Variants in AGAP1 observed in about 807,000 individuals in gnomAD.
The protein encoded by AGAP1 is arf-GAP with GTPase, ANK repeat and PH domain-containing protein 1.
Under a neutral mutation model 105.3 loss-of-function variants are expected in AGAP1, and 29 were observed. The observed-to-expected ratio is 0.28, with a 90% CI of 0.21 to 0.38. The LOEUF is 0.38. Ranked by LOEUF, AGAP1 falls within the 10% of genes least tolerant of loss-of-function variation. The pLI is 1.00. For missense variants in AGAP1, 998 were observed against 1,165.1 expected, an observed-to-expected ratio of 0.86 and a Z score of 2.09; for synonymous variants, 509 against 485.9, an observed-to-expected ratio of 1.05 and a Z score of -0.63.
At chr2:235,800,162 A>G (rs960856184) in intron 8 of AGAP1, among the ~76,000 whole-genome samples, 2 of 148,208 alleles carry the variant, frequency 1.3e-5, no homozygotes, top group African/African-American at 5.0e-5. Flanking sequence ...GCTGGAGTGC[A>G]GTGGCTCAGT....
At chr2:235,859,472 G>T (rs1214333681) in intron 9 of AGAP1, among the ~76,000 whole-genome samples, 1 of 138,116 alleles carries the variant, frequency 7.2e-6, no homozygotes, top group Non-Finnish European at 1.5e-5. Context: ...CACTATTTTG[G>T]ATCTGCAGCT....
rs1036242549 is a variant in AGAP1, at chr2:236,092,363, A to G, written c.2115-27829A>G. Reference sequence around the variant, plus strand: ...GGAAACCAGGTAAGGGGTACATGAGATCTCTCTGTATTATTTCTTTTTCTT... The same window carrying G: ...GGAAACCAGGTAAGGGGTACATGAGGTCTCTCTGTATTATTTCTTTTTCTT... On this transcript the variant is annotated intron_variant, in intron 16 of 17. Coordinates refer to ENST00000304032, the MANE Select transcript of AGAP1 (RefSeq NM_001037131.3). This position sits in a 1 kb window ranked among gnomAD's most constrained non-coding sequence, Gnocchi z 4.7. 6.6e-6 allele frequency among the ~76,000 whole-genome samples: 1 copy of G among 151,932 alleles called. No individual in the cohort carries two copies.
Position 235,519,363 on chromosome 2 carries a change from G to A in AGAP1, c.163+24514G>A, listed in dbSNP as rs146950271. ...GCTGGGGTTACAGTCATGAGCCACC[G>A]CACATGGCCCTAGTTTATATTTATT... On this transcript the variant is annotated intron_variant, in intron 1 of 17. Transcript: ENST00000304032. Among the ~76,000 whole-genome samples, 662 of 152,076 alleles carry A rather than the reference G, an allele frequency of 4.4e-3. 5 individuals are homozygous for A. Among genetic ancestry groups the A allele is most frequent in the South Asian group, 0.014 (67 of 4,792 alleles).
intron 12 of AGAP1, among the ~76,000 whole-genome samples, chr2:235,945,995 C>T (rs1344572316): frequency 6.6e-6 from 1 of 151,972 alleles, no homozygotes; most frequent in Admixed American, 6.6e-5. Flanking sequence ...GATCCAGTCA[C>T]CTCCCACCAA....
At chr2:235,593,659 G>A (rs1049105949) in intron 1 of AGAP1, among the ~76,000 whole-genome samples, 8 of 152,010 alleles carry the variant, frequency 5.3e-5, no homozygotes, top group Admixed American at 3.3e-4. Context: ...ATCGTGTAGC[G>A]CTACAGCTAA....
Position 235,936,243 on chromosome 2 carries a change from G to A in AGAP1, c.1483+5320G>A, listed in dbSNP as rs2052982661. Among the ~76,000 whole-genome samples the A allele has an allele frequency of 2.6e-5, 4 of 152,092 alleles. No homozygotes were observed. Among genetic ancestry groups the A allele is most frequent in the Non-Finnish European group, 2.9e-5 (2 of 68,030 alleles). Reference sequence around the variant, plus strand: ...CTCCCCCAGGCCACCACGCAGCCTCGTCACCATCGAGCACAAACACCATGT... The same window carrying A: ...CTCCCCCAGGCCACCACGCAGCCTCATCACCATCGAGCACAAACACCATGT... On this transcript the variant is annotated intron_variant, in intron 12 of 17. Transcript: ENST00000304032. The surrounding 1 kb of genome is among the most constrained non-coding windows in gnomAD (Gnocchi z 4.7).
chr2:236,112,717 C>T (rs1016026159), intron 16 of AGAP1, among the ~76,000 whole-genome samples: 7 of 152,244 alleles, frequency 4.6e-5, no homozygotes, highest in Admixed American at 1.3e-4. Flanking sequence ...CACACGCACA[C>T]GCACAGAACG....
At chr2:235,796,076 T>TA (rs943526169) in intron 6 of AGAP1, among the ~76,000 whole-genome samples, 2 of 152,236 alleles carry the variant, frequency 1.3e-5, no homozygotes, top group African/African-American at 2.4e-5. Context: ...CTTACGAATG[T>TA]AAAGTCAGTG....
At chr2:235,886,571 G>A (rs1053333712) in intron 10 of AGAP1, among the ~76,000 whole-genome samples, 2 of 152,140 alleles carry the variant, frequency 1.3e-5, no homozygotes, top group Non-Finnish European at 2.9e-5. Context: ...TCATTCATAA[G>A]TATGCATGAA....
chr2:235,648,413 C>G (rs6431396), intron 1 of AGAP1, among the ~76,000 whole-genome samples: 108,636 of 152,084 alleles, frequency 0.71, 38,883 homozygotes, highest in East Asian at 0.81. Context: ...AGAGTCTGCA[C>G]ATGACAGCTC....
intron 9 of AGAP1, among the ~76,000 whole-genome samples, chr2:235,808,857 A>G (rs1957980123): frequency 6.6e-6 from 1 of 152,164 alleles, no homozygotes; most frequent in Non-Finnish European, 1.5e-5. Flanking sequence ...TTTTCACTAT[A>G]AAACACTTCA....
intron 9 of AGAP1, among the ~76,000 whole-genome samples, chr2:235,820,630 A>G (rs1958737818): frequency 1.3e-5 from 2 of 152,224 alleles, no homozygotes; most frequent in Non-Finnish European, 1.5e-5. Context: ...CTGTGATTTC[A>G]TTCATGCTAA....
chr2:235,675,283 G>A (rs545724526), intron 1 of AGAP1, among the ~76,000 whole-genome samples: 11 of 150,684 alleles, frequency 7.3e-5, no homozygotes, highest in Admixed American at 5.3e-4. Context: ...TCTGCCTCCC[G>A]GGTTCATGCC....
chr2:235,696,607 G>A (rs1383161478), intron 1 of AGAP1, among the ~76,000 whole-genome samples: 2 of 152,192 alleles, frequency 1.3e-5, no homozygotes, highest in African/African-American at 4.8e-5. Flanking sequence ...GATTAGATTT[G>A]CTGAGCATTA....
intron 1 of AGAP1, among the ~76,000 whole-genome samples, chr2:235,618,219 C>T (rs1946368922): frequency 1.3e-5 from 2 of 152,118 alleles, no homozygotes; most frequent in Non-Finnish European, 2.9e-5. Context: ...TATTTTGACT[C>T]AGAGCTCCAA....
chr2:235,909,042 C>G, intron 11 of AGAP1, 136 bp downstream of exon 11: 1 of 864,292 alleles, frequency 1.2e-6, no homozygotes, highest in Non-Finnish European at 1.7e-6. Context: ...GAAACCTGAT[C>G]ACTTCTGTGG....
chr2:235,720,157 GTTTC>G lies in AGAP1; in HGVS notation c.310+2518_310+2521del, dbSNP rs1449153773. Among the ~76,000 whole-genome samples, 1 of 152,148 alleles carries G rather than the reference GTTTC, an allele frequency of 6.6e-6. No individual in the cohort carries two copies. Among genetic ancestry groups the G allele is most frequent in the Non-Finnish European group, 1.5e-5 (1 of 68,022 alleles). ...GGAAAGAAAACAAATGAGAAGCCGT[GTTTC>G]TTTCATACCACGGTCTTGCCATCCT... On this transcript the variant is annotated intron_variant, in intron 3 of 17. Coordinates refer to ENST00000304032, the MANE Select transcript of AGAP1 (RefSeq NM_001037131.3). This position sits in a 1 kb window ranked among gnomAD's most constrained non-coding sequence, Gnocchi z 5.0.
chr2:235,788,540 G>A lies in AGAP1; in HGVS notation c.674-9219G>A, dbSNP rs1450991374. ...TGAGGAGAGGATTGGGAGGCAAGGT[G>A]GGGCGAGGAGAAGAGCGGGAGGGTA... On this transcript the variant is annotated intron_variant, in intron 6 of 17. Transcript: ENST00000304032. This position sits in a 1 kb window ranked among gnomAD's most constrained non-coding sequence, Gnocchi z 6.0. 4.0e-5 allele frequency among the ~76,000 whole-genome samples: 6 copies of A among 151,330 alleles called. No homozygotes were observed. Among genetic ancestry groups the A allele is most frequent in the Admixed American group, 4.0e-4 (6 of 15,176 alleles).
Position 235,953,786 on chromosome 2 carries a change from G to A in AGAP1, c.1484-14676G>A, listed in dbSNP as rs1209932671. ...CTCTACAAAGAAATTATCAGGGCAT[G>A]GTGGGTCATACCTGTGGTCCACGCT... On this transcript the variant is annotated intron_variant, in intron 12 of 17. Transcript: ENST00000304032. The surrounding 1 kb of genome is among the most constrained non-coding windows in gnomAD (Gnocchi z 5.2). Among the ~76,000 whole-genome samples, 2 of 152,068 alleles carry A rather than the reference G, an allele frequency of 1.3e-5. No individual in the cohort carries two copies. The highest frequency in any genetic ancestry group is 4.8e-5 in the African/African-American group (2 of 41,408).
Sources: allele counts gnomAD v4.1 joint callset (sites outside exome capture counted in the v4.1 genomes callset), GRCh38; gene constraint gnomAD v4.1.1; non-coding constraint Gnocchi (gnomAD v3.1); transcripts MANE v1.5; gene names NCBI Gene and HGNC (gene_info 2026-07-23, HGNC 2026-07-21).